KRT27: variants seen among roughly 807,000 people sequenced by gnomAD.
KRT27 encodes the protein keratin 27.
In KRT27, 30 loss-of-function variants were observed where a neutral mutation model predicts 45.3. The ratio of observed to expected loss-of-function variants is 0.66; its 90% CI spans 0.50 to 0.90. KRT27 has a LOEUF of 0.90. Ranked by LOEUF, KRT27 falls within the 40% of genes least tolerant of loss-of-function variation. KRT27 has a pLI of 0.00. For synonymous variants in KRT27, 204 were observed against 223.9 expected (o/e 0.91, Z 0.79); for missense variants, 610 against 564.3 (o/e 1.08, Z -0.82).
rs62622790 is a variant in KRT27 at position 40,777,136 on chromosome 17, A to C, written c.1243T>G (p.Ser415Ala). 0.032 allele frequency: 52,044 copies of C among 1,612,570 alleles called. 967 individuals carry two copies. Among genetic ancestry groups the C allele is most frequent in the Middle Eastern group, 0.082 (498 of 6,058 alleles). Reference sequence around the variant, plus strand: ...GTTTTGACAATGGTGGTTTTAGATGAATCTAAAATGCCACATATAAACTGT... The same window carrying C: ...GTTTTGACAATGGTGGTTTTAGATGCATCTAAAATGCCACATATAAACTGT... Reference protein sequence around the residue: ...YGGPGNQTKDSSKTTIVKTVV... With the variant: ...YGGPGNQTKDASKTTIVKTVV... Residue 415 changes from serine to alanine, a missense_variant and splice_region_variant, in exon 8 of 8, where the codon TCA (serine) becomes GCA (alanine). Physicochemically the swap from Ser to Ala is moderately conservative, Grantham distance 99. Transcript: ENST00000301656.
Position 40,777,719 on chromosome 17 carries a change from T to C in KRT27, c.986A>G (p.Glu329Gly). The C allele has an allele frequency of 6.2e-7, 1 of 1,614,124 alleles. No homozygotes were observed. The highest frequency in any genetic ancestry group is 8.5e-7 in the Non-Finnish European group (1 of 1,180,008). Residue 329 changes from glutamate to glycine, a missense_variant, in exon 6 of 8, where the codon GAG (glutamate) becomes GGG (glycine). Transcript: ENST00000301656. ...ACTCTCGGTCTCTGTCAAGGAGCAC[T>C]CCAGGGAGTGTTTCTGTAGTTTGGT... ...QSLLATKHSLECSLTETESNY... is the reference protein window; with the variant it reads ...QSLLATKHSLGCSLTETESNY...
In KRT27 at chr17:40,779,682, A is replaced by T. The variant is rs768814680; in HGVS notation, c.846+18T>A. On this transcript the variant is annotated intron_variant, in intron 4 of 7. Transcript: ENST00000301656. ...TGGGGCTGAGTCCGCGCCCGGGCGC[A>T]CCCAAGCGTGGTTTTACCTTTTCGT... is the stretch of plus-strand genomic sequence containing the variant. 1.2e-6 allele frequency: 2 copies of T among 1,613,374 alleles called. No individual in the cohort carries two copies. Among genetic ancestry groups the T allele is most frequent in the Non-Finnish European group, 1.7e-6 (2 of 1,179,640 alleles).
At chr17:40,778,686 T>C (rs1421706362) in intron 5 of KRT27, among the ~76,000 whole-genome samples, 2 of 152,264 alleles carry the variant, frequency 1.3e-5, no homozygotes, top group Non-Finnish European at 1.5e-5. Context: ...TGTTTAGTTT[T>C]ATAGTCAGCC....
At chr17:40,778,812 T>C (rs1273858500) in intron 5 of KRT27, among the ~76,000 whole-genome samples, 1 of 151,858 alleles carries the variant, frequency 6.6e-6, no homozygotes, top group East Asian at 1.9e-4. Flanking sequence ...AATGTATTTT[T>C]GCTCTCTTTA....
Position 40,779,867 on chromosome 17 carries a change from A to C in KRT27, c.685-6T>G, listed in dbSNP as rs1376269210. The stretch of plus-strand genomic sequence containing the variant: ...CACTGAAGAGCTTTCATTTCCTGAA[A>C]GATATTTGTTTAACGGAATTAGGAT... On this transcript the variant is annotated splice_polypyrimidine_tract_variant and splice_region_variant and intron_variant, in intron 3 of 7. Coordinates refer to ENST00000301656, the MANE Select transcript of KRT27 (RefSeq NM_181537.4). 1 of 1,601,444 alleles carries C rather than the reference A, an allele frequency of 6.2e-7. No homozygotes were observed. Among genetic ancestry groups the C allele is most frequent in the Admixed American group, 1.8e-5 (1 of 55,956 alleles).
chr17:40,779,674 C>G, intron 4 of KRT27, 26 bp downstream of exon 4: 1 of 1,613,308 alleles, frequency 6.2e-7, no homozygotes, highest in Non-Finnish European at 8.5e-7. Flanking sequence ...GAGTCCGCGC[C>G]CGGGCGCACC....
In KRT27 at chr17:40,782,040, C is replaced by G. The variant is rs565637328; in HGVS notation, c.444+10G>C. On this transcript the variant is annotated intron_variant, in intron 1 of 7. Coordinates refer to ENST00000301656, the MANE Select transcript of KRT27 (RefSeq NM_181537.4). ...AGGAGTGCTAACACTCACGCCATGG[C>G]GTTTCTTACCTGGTTCTTAAGTTCG... The G allele has an allele frequency of 2.5e-6, 4 of 1,602,860 alleles. No homozygotes were observed. The African/African-American group carries it at 5.3e-5, about 21-fold the overall frequency.
chr17:40,780,330 C>G lies in KRT27; in HGVS notation c.654G>C (p.Glu218Asp). The G allele has an allele frequency of 1.2e-6, 2 of 1,612,386 alleles. No homozygotes were observed. The change falls in exon 3 of 8, where the codon GAG becomes GAC. Residue 218 changes from glutamate to aspartate, a missense_variant. Coordinates refer to ENST00000301656, the MANE Select transcript of KRT27 (RefSeq NM_181537.4). ...LEIQLETLSEELAYLKKNHEE... is the reference protein window; with the variant it reads ...LEIQLETLSEDLAYLKKNHEE... ...CATGATTCTTCTTGAGGTAAGCGAG[C>G]TCCTCACTGAGAGTTTCCAGCTGGA...
intron 2 of KRT27, among the ~76,000 whole-genome samples, chr17:40,780,915 T>C (rs956874863): frequency 6.6e-6 from 1 of 152,186 alleles, no homozygotes; most frequent in African/African-American, 2.4e-5. Flanking sequence ...AGGTCATCTA[T>C]CATGCAATAA....
Position 40,777,735 on chromosome 17 carries a change from G to A in KRT27, c.973-3C>T, listed in dbSNP as rs1284818580. The A allele has an allele frequency of 6.2e-7, 1 of 1,613,760 alleles. No individual in the cohort carries two copies. The highest frequency in any genetic ancestry group is 2.2e-5 in the East Asian group (1 of 44,904). ...AAGGAGCACTCCAGGGAGTGTTTCT[G>A]TAGTTTGGTAAGACATGGTTTAATA... On this transcript the variant is annotated splice_region_variant and splice_polypyrimidine_tract_variant and intron_variant, in intron 5 of 7. Coordinates refer to ENST00000301656, the MANE Select transcript of KRT27 (RefSeq NM_181537.4).
In KRT27 at chr17:40,781,221, T is replaced by C; in HGVS notation, c.494A>G (p.Asn165Ser). Residue 165 changes from asparagine to serine, a missense_variant, in exon 2 of 8, where the codon AAT becomes AGT. By Grantham distance (46) the Asn-to-Ser change is conservative (BLOSUM62 1). Coordinates refer to ENST00000301656, the MANE Select transcript of KRT27 (RefSeq NM_181537.4). ...GAAGTCATCAGCTGTTAGTCTTGCA[T>C]TATCATTTTGCAGGACAACATGGGC... The part of the protein sequence containing the change: ...SNAHVVLQND[N>S]ARLTADDFRL... The C allele has an allele frequency of 3.1e-6, 5 of 1,611,982 alleles. No homozygotes were observed. Among genetic ancestry groups the C allele is most frequent in the Non-Finnish European group, 4.2e-6 (5 of 1,178,768 alleles).
At position 40,782,484 on chromosome 17, in the gene KRT27, G is replaced by A. The variant is rs149927735; in HGVS notation, c.10C>T (p.Arg4Cys). 105 of 1,569,328 alleles carry A rather than the reference G, an allele frequency of 6.7e-5. 2 individuals carry two copies. The highest frequency in any genetic ancestry group is 4.4e-5 in the Non-Finnish European group (51 of 1,157,732). Residue 4 changes from arginine to cysteine, a missense_variant, in exon 1 of 8, where the codon CGC becomes TGC. Coordinates refer to ENST00000301656, the MANE Select transcript of KRT27 (RefSeq NM_181537.4). MSV[R>C]FSSTSRRLGS... ...AGTCTCCTGGAGGTAGAAGAAAAGC[G>A]CACAGACATGGTGTCCGGAGGCTGG... is the stretch of plus-strand genomic sequence containing the variant.
At chr17:40,778,097 T>C in intron 5 of KRT27, 1 of 205,448 alleles carries the variant, frequency 4.9e-6, no homozygotes, top group Non-Finnish European at 1.0e-5. Flanking sequence ...TATACTTTGC[T>C]ACTCATTTCT....
rs574661094 is a variant in KRT27 at position 40,781,881 on chromosome 17, G to A, written c.444+169C>T. ...TAATACTACATGATGGACGTGCCAT[G>A]TTCAAATATTAGAATTTATTAGAAA... On this transcript the variant is annotated intron_variant, in intron 1 of 7. Coordinates refer to ENST00000301656, the MANE Select transcript of KRT27 (RefSeq NM_181537.4). Among the ~76,000 whole-genome samples, 358 of 137,790 alleles carry A rather than the reference G, an allele frequency of 2.6e-3. 5 individuals carry two copies. The highest frequency in any genetic ancestry group is 7.9e-3 in the African/African-American group (325 of 41,240). The allele number at this position is 137,790 out of a possible 152,430, so 90.4% of individuals were successfully genotyped here. A position where few individuals can be genotyped will look rare whatever the true frequency, so the allele number is the denominator to read the frequency against.
rs772428372 is a variant in KRT27, at chr17:40,782,298, T to C, written c.196A>G (p.Ser66Gly). 6.2e-7 allele frequency: 1 copy of C among 1,614,082 alleles called. No homozygotes were observed. The highest frequency in any genetic ancestry group is 1.7e-5 in the Admixed American group (1 of 60,010). The change falls in exon 1 of 8, where the codon AGT (serine) becomes GGT (glycine). Residue 66 changes from serine (S) to glycine (G), a missense_variant. Coordinates refer to ENST00000301656, the MANE Select transcript of KRT27 (RefSeq NM_181537.4). ...GGYGGGLGGG[S>G]ASCAAFTGNE... ...CCTGTGAAGGCAGCACAGGAAGCAC[T>C]TCCCCCGCCCAGACCTCCGCCATAG...
intron 5 of KRT27, 130 bp downstream of exon 5, chr17:40,779,372 A>G: frequency 1.7e-6 from 2 of 1,158,272 alleles, no homozygotes; most frequent in East Asian, 5.2e-5. Flanking sequence ...CAAAATGCAA[A>G]TATGTCTTAT....
Position 40,779,727 on chromosome 17 carries a change from C to T in KRT27, c.819G>A (p.Arg273=). ...TTTCGTTGAACCAGGCCTCCGCGTCCCTGCGGTTCTGCTCTGCGAGGGCTT... is the reference window on the plus strand; with the variant it reads ...TTTCGTTGAACCAGGCCTCCGCGTCTCTGCGGTTCTGCTCTGCGAGGGCTT... The part of the protein sequence containing the change: ...EYEALAEQNR[R]DAEAWFNEKS... The change falls in exon 4 of 8, where the codon AGG becomes AGA. Residue 273 remains arginine (R), a synonymous_variant. Transcript: ENST00000301656. The T allele has an allele frequency of 1.2e-6, 2 of 1,614,052 alleles. No homozygotes were observed. Among genetic ancestry groups the T allele is most frequent in the Non-Finnish European group, 1.7e-6 (2 of 1,179,914 alleles).
At position 40,780,288 on chromosome 17, in the gene KRT27, T is replaced by C. The variant is rs2038299566; in HGVS notation, c.684+12A>G. 6.3e-7 allele frequency: 1 copy of C among 1,587,664 alleles called. No homozygotes were observed. Among genetic ancestry groups the C allele is most frequent in the Non-Finnish European group, 8.6e-7 (1 of 1,166,926 alleles). On this transcript the variant is annotated intron_variant, in intron 3 of 7. Transcript: ENST00000301656. The stretch of plus-strand genomic sequence containing the variant: ...GAGGCGATTGTGAGAGCCAGCCGGG[T>C]GGAGCTTCTACCTCCTCATGATTCT...
rs981685 is a variant in KRT27 at position 40,779,578 on chromosome 17, G to A, written c.896C>T (p.Ser299Leu). The A allele has an allele frequency of 3.1e-4, 504 of 1,614,264 alleles. 2 individuals are homozygous for A. In the Admixed American group the frequency reaches 8.3e-3, roughly 27 times the overall value. The change falls in exon 5 of 8, where the codon TCA (serine) becomes TTA (leucine). Residue 299 changes from serine (S) to leucine (L), a missense_variant. Physicochemically the swap from Ser to Leu is moderately radical, Grantham distance 145 (BLOSUM62 -2). Coordinates refer to ENST00000301656, the MANE Select transcript of KRT27 (RefSeq NM_181537.4). ...QISDDAGATTSARNELIEMKR... is the reference protein window; with the variant it reads ...QISDDAGATTLARNELIEMKR... ...CATCTCGATAAGCTCATTCCGGGCTGAGGTGGTGGCGCCAGCGTCGTCAGA... is the reference window on the plus strand; with the variant it reads ...CATCTCGATAAGCTCATTCCGGGCTAAGGTGGTGGCGCCAGCGTCGTCAGA...
Sources: allele counts gnomAD v4.1 joint callset (sites outside exome capture counted in the v4.1 genomes callset), GRCh38; gene constraint gnomAD v4.1.1; transcripts MANE v1.5; gene names NCBI Gene and HGNC (gene_info 2026-07-23, HGNC 2026-07-21).